The following BRD4 variants were observed in gnomAD, a reference collection of about 807,000 sequenced individuals.
BRD4 encodes the protein bromodomain-containing protein 4.
A neutral mutation model predicts 142.1 loss-of-function variants in BRD4; 16 were observed. That is an observed-to-expected ratio of 0.11 (90% CI 0.08 to 0.17). The LOEUF (loss-of-function observed/expected upper bound fraction) is 0.17, where lower values mean the gene tolerates loss of function less well. BRD4 is among the 10% of genes least tolerant of loss of function. The pLI, the probability that BRD4 is intolerant of heterozygous loss-of-function variation, is 1.00. For synonymous variants in BRD4, 833 were observed against 707.5 expected (o/e 1.18, Z -2.82); for missense variants, 1,424 against 1,810.9 (o/e 0.79, Z 3.88).
intron 1 of BRD4, among the ~76,000 whole-genome samples, chr19:15,314,857 T>C (rs538727586): frequency 6.6e-6 from 1 of 152,150 alleles, no homozygotes; most frequent in African/African-American, 2.4e-5. Flanking sequence ...TAATACACTG[T>C]AAAATAAGTA....
At chr19:15,241,614 T>C (rs560099381) in intron 14 of BRD4, among the ~76,000 whole-genome samples, 10 of 152,266 alleles carry the variant, frequency 6.6e-5, no homozygotes, top group Non-Finnish European at 1.5e-4. Flanking sequence ...GATAGGTGCC[T>C]GGTGCACCCG....
intron 1 of BRD4, among the ~76,000 whole-genome samples, chr19:15,324,859 A>G (rs1172061015): frequency 6.6e-6 from 1 of 152,092 alleles, no homozygotes; most frequent in Non-Finnish European, 1.5e-5. Context: ...TCCCATTATC[A>G]CTGCTCTTAA....
intron 1 of BRD4, among the ~76,000 whole-genome samples, chr19:15,325,304 C>T (rs2048097884): frequency 6.6e-6 from 1 of 152,190 alleles, no homozygotes. Flanking sequence ...TGTTATCAGT[C>T]TTTGGAGCAA....
At chr19:15,302,372 G>T (rs2047876312) in intron 1 of BRD4, among the ~76,000 whole-genome samples, 1 of 152,074 alleles carries the variant, frequency 6.6e-6, no homozygotes, top group African/African-American at 2.4e-5. Context: ...GCTAACCTGG[G>T]GGACTCTGAG....
At chr19:15,253,783 G>A (rs2047375207) in intron 11 of BRD4, 2 of 1,596,356 alleles carry the variant, frequency 1.3e-6, no homozygotes, top group African/African-American at 1.3e-5. Flanking sequence ...GGTGCAGAAA[G>A]CTGGGTGTGG....
chr19:15,307,759 T>C (rs1752037882), intron 1 of BRD4, among the ~76,000 whole-genome samples: 1 of 152,090 alleles, frequency 6.6e-6, no homozygotes, highest in African/African-American at 2.4e-5. Context: ...CGCACTACGT[T>C]TGGCATCAGT....
At chr19:15,298,620 CAAAAAAAAAAAAAAAAAAAAAAAAA>C (rs57719337) in intron 1 of BRD4, among the ~76,000 whole-genome samples, 12 of 66,036 alleles carry the variant, frequency 1.8e-4, no homozygotes, top group East Asian at 4.5e-4. Flanking sequence ...GACTCCAACT[CAAAAAAAAAAAAAAAAAAAAAAAAA>C]AAAAAAAAAA....
In BRD4 at chr19:15,243,118, G is replaced by A. The variant is rs866351525; in HGVS notation, c.2951C>T (p.Pro984Leu). ...GGGCTGATGCTGCTGCTGGGGTGGA[G>A]GCTGGGGCTGGGGTGGTGGGGGTGG... ...PPPPPPPQPQ[P>L]PPQQQHQPPP... The change falls in exon 14 of 20, where the codon CCT (proline) becomes CTT (leucine). Residue 984 changes from proline (P) to leucine (L), a missense_variant. Physicochemically the swap from Pro to Leu is moderately conservative, Grantham distance 98. This residue lies in a region of BRD4 where 598 missense variants were observed against 647.8 expected (regional missense o/e 0.92). Coordinates refer to ENST00000679869, the MANE Select transcript of BRD4 (RefSeq NM_001379291.1). The A allele has an allele frequency of 1.4e-6, 2 of 1,427,324 alleles. No individual in the cohort carries two copies. The highest frequency in any genetic ancestry group is 1.5e-5 in the African/African-American group (1 of 67,740). 88.4% of individuals were successfully genotyped at this position (1,427,324 alleles called of 1,614,324 possible). A position where few individuals can be genotyped will look rare whatever the true frequency, so the allele number is the denominator to read the frequency against.
chr19:15,304,756 C>G (rs996426283), intron 1 of BRD4, among the ~76,000 whole-genome samples: 1 of 152,108 alleles, frequency 6.6e-6, no homozygotes, highest in Admixed American at 6.6e-5. Flanking sequence ...ACAAGAACCT[C>G]GCACAGGGCA....
chr19:15,301,050 G>C (rs1472470303), intron 1 of BRD4, among the ~76,000 whole-genome samples: 3 of 152,150 alleles, frequency 2.0e-5, no homozygotes, highest in African/African-American at 7.2e-5. Context: ...ACTGAGAAAT[G>C]CAGAAAAAGC....
intron 7 of BRD4, among the ~76,000 whole-genome samples, chr19:15,258,611 C>T (rs2047437688): frequency 6.6e-6 from 1 of 152,028 alleles, no homozygotes; most frequent in African/African-American, 2.4e-5. Context: ...CTTTCTTCTT[C>T]TTCTTCTTTT....
chr19:15,326,015 AAAAG>A (rs1338247006), intron 1 of BRD4, among the ~76,000 whole-genome samples: 45 of 149,696 alleles, frequency 3.0e-4, no homozygotes, highest in South Asian at 1.0e-3. Context: ...AAAAAAAAAA[AAAAG>A]AAAGAAAGAA....
intron 7 of BRD4, among the ~76,000 whole-genome samples, chr19:15,258,328 A>G (rs527425163): frequency 5.3e-5 from 8 of 152,210 alleles, no homozygotes; most frequent in Admixed American, 1.3e-4. Flanking sequence ...CTTTTAGCCA[A>G]TAACTTTTTT....
intron 1 of BRD4, among the ~76,000 whole-genome samples, chr19:15,300,559 A>C (rs952261600): frequency 1.4e-4 from 22 of 152,132 alleles, no homozygotes; most frequent in African/African-American, 5.3e-4. Flanking sequence ...CATCTTAACA[A>C]AAACAAAAAC....
At chr19:15,257,283 C>T (rs541670819) in intron 7 of BRD4, 110 bp from the exon 8 acceptor site, 141 of 1,061,676 alleles carry the variant, frequency 1.3e-4, no homozygotes, top group African/African-American at 1.9e-4. Context: ...CAACCGAGGG[C>T]GAAAGAGGAT....
At chr19:15,254,026 CAG>C (rs2145565128) in intron 11 of BRD4, 124 bp downstream of exon 11, 2 of 806,012 alleles carry the variant, frequency 2.5e-6, no homozygotes, top group East Asian at 5.2e-5. Flanking sequence ...GACAGACAGA[CAG>C]AGGAACCCAG....
intron 11 of BRD4, among the ~76,000 whole-genome samples, chr19:15,250,871 C>G (rs2047336447): frequency 6.6e-6 from 1 of 152,180 alleles, no homozygotes. Flanking sequence ...CCACAGCCCA[C>G]CTGGGACAGT....
At position 15,244,465 on chromosome 19, in the gene BRD4, G is replaced by A. The variant is rs762036594; in HGVS notation, c.2347C>T (p.Pro783Ser). The A allele has an allele frequency of 4.5e-6, 7 of 1,549,950 alleles. No homozygotes were observed. The highest frequency in any genetic ancestry group is 2.3e-4 in the Middle Eastern group (1 of 4,382). The change falls in exon 13 of 20, where the codon CCC becomes TCC. Residue 783 changes from proline to serine, a missense_variant. By Grantham distance (74) the Pro-to-Ser change is moderately conservative. Transcript: ENST00000679869. ...QQQPPPPPPPPSMPQQAAPAM... is the reference protein window; with the variant it reads ...QQQPPPPPPPSSMPQQAAPAM... The stretch of plus-strand genomic sequence containing the variant: ...GGGGCTGCCTGCTGCGGCATGGAGG[G>A]TGGGGGAGGCGGGGGTGGCGGCTGC...
intron 14 of BRD4, 44 bp downstream of exon 14, chr19:15,242,856 C>A (rs1399673757): frequency 1.3e-6 from 2 of 1,568,898 alleles, no homozygotes; most frequent in South Asian, 2.3e-5. Flanking sequence ...AAACTATAGG[C>A]CCAGCACCAG....
Sources: allele counts gnomAD v4.1 joint callset (sites outside exome capture counted in the v4.1 genomes callset), GRCh38; gene constraint gnomAD v4.1.1; regional missense constraint gnomAD v4.1.1; transcripts MANE v1.5; gene names NCBI Gene and HGNC (gene_info 2026-07-23, HGNC 2026-07-21).